SAMD3: variants seen among roughly 807,000 people sequenced by gnomAD.
SAMD3 encodes sterile alpha motif domain-containing protein 3.
SAMD3 carries 63 observed loss-of-function variants against 58.5 expected under a neutral mutation model. The ratio of observed to expected loss-of-function variants is 1.08; its 90% confidence interval spans 0.88 to 1.33. The LOEUF (loss-of-function observed/expected upper bound fraction) is 1.33. Among genes scored for constraint, SAMD3 ranks in the 40% most tolerant of loss-of-function variants. SAMD3 has a pLI of 0.00. For synonymous variants in SAMD3, 220 were observed against 210.3 expected, an observed-to-expected ratio of 1.05 and a Z score of -0.40; for missense variants, 604 against 608.4, an observed-to-expected ratio of 0.99 and a Z score of 0.08.
chr6:130,276,070 T>C (rs1225008653), intron 2 of SAMD3, among the ~76,000 whole-genome samples: 1 of 152,088 alleles, frequency 6.6e-6, no homozygotes, highest in East Asian at 1.9e-4. Flanking sequence ...AGGGTCCTTA[T>C]AACAGGGAAA....
chr6:130,255,513 C>A (rs932850341), intron 2 of SAMD3, among the ~76,000 whole-genome samples: 1 of 152,086 alleles, frequency 6.6e-6, no homozygotes, highest in African/African-American at 2.4e-5. Flanking sequence ...ATTGTTATAT[C>A]CTCTTGATGA....
intron 8 of SAMD3, among the ~76,000 whole-genome samples, chr6:130,156,274 C>T (rs1455972490): frequency 6.6e-6 from 1 of 150,504 alleles, no homozygotes; most frequent in Non-Finnish European, 1.5e-5. Flanking sequence ...GAAGCAGAGC[C>T]GAGATCACAC....
intron 8 of SAMD3, among the ~76,000 whole-genome samples, chr6:130,168,028 G>T (rs9492468): frequency 2.8e-4 from 42 of 152,192 alleles, no homozygotes; most frequent in African/African-American, 9.9e-4. Flanking sequence ...AAATGGCAAA[G>T]AGAATGCAGT....
At chr6:130,292,914 G>A (rs527633612) in intron 2 of SAMD3, among the ~76,000 whole-genome samples, 17 of 152,272 alleles carry the variant, frequency 1.1e-4, no homozygotes, top group African/African-American at 2.6e-4. Flanking sequence ...CACCATGCCC[G>A]GCCAGGAACA....
In SAMD3 at chr6:130,144,736, T is replaced by C. The variant is rs772227300; in HGVS notation, c.1347A>G (p.Leu449=). 11 of 1,613,864 alleles carry C rather than the reference T, an allele frequency of 6.8e-6. No individual in the cohort carries two copies. The Admixed American group carries it at 1.3e-4, about 20-fold the overall frequency. The change falls in exon 12 of 12, where the codon TTA becomes TTG. Residue 449 remains leucine, a synonymous_variant. Transcript: ENST00000439090. ...PFNMEVCEFS[L]YLERERLTKV... is the part of the protein sequence containing the mutation. Reference sequence around the variant, plus strand: ...TTGTGAGCCTCTCCCTTTCTAAATATAAAGAAAATTCGCAGACCTCCATGT... The same window carrying C: ...TTGTGAGCCTCTCCCTTTCTAAATACAAAGAAAATTCGCAGACCTCCATGT...
At chr6:130,178,298 C>T (rs1027885760) in intron 7 of SAMD3, among the ~76,000 whole-genome samples, 1 of 151,946 alleles carries the variant, frequency 6.6e-6, no homozygotes, top group African/African-American at 2.4e-5. Context: ...TTCTTGAAGA[C>T]AGTGCCTTAG....
intron 2 of SAMD3, among the ~76,000 whole-genome samples, chr6:130,236,232 G>A (rs779459869): frequency 2.0e-4 from 30 of 151,968 alleles, no homozygotes; most frequent in Middle Eastern, 3.2e-3. Context: ...GATTAAATAC[G>A]GTGGATTACA....
intron 2 of SAMD3, among the ~76,000 whole-genome samples, chr6:130,295,369 G>T (rs1775536902): frequency 6.6e-6 from 1 of 152,156 alleles, no homozygotes; most frequent in Non-Finnish European, 1.5e-5. Flanking sequence ...AGAGGTGGTG[G>T]TTTGATGAGA....
intron 8 of SAMD3, among the ~76,000 whole-genome samples, chr6:130,166,079 C>T (rs559838377): frequency 6.6e-6 from 1 of 152,320 alleles, no homozygotes; most frequent in Non-Finnish European, 1.5e-5. Context: ...CTGGTGCTCC[C>T]TGTGCTGGCC....
chr6:130,207,941 G>T (rs1795222422), intron 5 of SAMD3, among the ~76,000 whole-genome samples: 1 of 152,226 alleles, frequency 6.6e-6, no homozygotes, highest in Non-Finnish European at 1.5e-5. Flanking sequence ...GCACTCATAG[G>T]GCTGCTGGGG....
intron 8 of SAMD3, among the ~76,000 whole-genome samples, chr6:130,174,244 A>G (rs1292077694): frequency 1.3e-5 from 2 of 152,202 alleles, no homozygotes; most frequent in Non-Finnish European, 2.9e-5. Flanking sequence ...TCCTGCAGCT[A>G]GCTCAGTGTC....
chr6:130,309,934 G>A (rs1583083077), intron 2 of SAMD3, among the ~76,000 whole-genome samples: 2 of 152,168 alleles, frequency 1.3e-5, no homozygotes, highest in Admixed American at 1.3e-4. Context: ...GAGAGAGAGA[G>A]GGAGAGAGAG....
chr6:130,301,949 A>AGAGG (rs1278094288), intron 2 of SAMD3, among the ~76,000 whole-genome samples: 1 of 152,220 alleles, frequency 6.6e-6, no homozygotes, highest in South Asian at 2.1e-4. Context: ...AATTAACTCA[A>AGAGG]GAGGAATTAA....
chr6:130,153,666 T>TATA (rs58896049), intron 9 of SAMD3, among the ~76,000 whole-genome samples: 1,807 of 90,996 alleles, frequency 0.02, 62 homozygotes, highest in African/African-American at 0.064. Flanking sequence ...ATATATATAT[T>TATA]TATTTATTTA....
At chr6:130,214,110 G>A (rs1358373046) in intron 4 of SAMD3, among the ~76,000 whole-genome samples, 2 of 152,018 alleles carry the variant, frequency 1.3e-5, no homozygotes, top group African/African-American at 2.4e-5. Context: ...CTTGCTAATA[G>A]GACATCCCTA....
intron 5 of SAMD3, among the ~76,000 whole-genome samples, chr6:130,206,881 A>G (rs1582923768): frequency 6.6e-6 from 1 of 152,314 alleles, no homozygotes; most frequent in East Asian, 1.9e-4. Flanking sequence ...TTGGAATAAT[A>G]ACCCTGCCTA....
rs1282264316 is a variant in SAMD3 at position 130,144,806 on chromosome 6, TGAA to T, written c.1279-5_1279-3del. 3 of 1,599,598 alleles carry T rather than the reference TGAA, an allele frequency of 1.9e-6. No homozygotes were observed. The African/African-American group carries it at 4.1e-5, about 22-fold the overall frequency. On this transcript the variant is annotated splice_region_variant and splice_polypyrimidine_tract_variant and intron_variant, in intron 11 of 11. Transcript: ENST00000439090. ...CAACACAGGTGTGGACACTTGCACC[TGAA>T]AAAAAGAGTGGAGTCATTACCATGA...
chr6:130,365,631 T>C (rs1778116512), upstream of SAMD3: 1 of 985,430 alleles, frequency 1.0e-6, no homozygotes, highest in Non-Finnish European at 1.2e-6. Context: ...CGGTAACCGG[T>C]GGTCCCGCGG....
At chr6:130,258,720 C>T (rs1774010205) in intron 2 of SAMD3, among the ~76,000 whole-genome samples, 1 of 152,092 alleles carries the variant, frequency 6.6e-6, no homozygotes, top group African/African-American at 2.4e-5. Flanking sequence ...GATTAGCTTT[C>T]ATTTTTTAGA....
Sources: gnomAD v4.1 joint callset for allele counts (sites outside exome capture counted in the v4.1 genomes callset) on GRCh38, gnomAD v4.1.1 for gene constraint, MANE v1.5 for transcripts, NCBI Gene and HGNC (gene_info 2026-07-23, HGNC 2026-07-21) for gene names.